Variants in EYS observed in about 807,000 individuals in gnomAD.
EYS encodes EGF-like photoreceptor maintenance factor, also known as protein eyes shut homolog.
Under a neutral mutation model 282.1 loss-of-function variants are expected in EYS, and 250 were observed. That is an observed-to-expected ratio of 0.89 (90% confidence interval 0.80 to 0.98). The LOEUF (loss-of-function observed/expected upper bound fraction) is 0.98, where lower values mean the gene tolerates loss of function less well. Ranked by LOEUF, EYS falls within the 50% of genes least tolerant of loss-of-function variation. The pLI, the probability that EYS is intolerant of heterozygous loss-of-function variation, is 0.00. For synonymous variants in EYS, 1,355 were observed against 1,282.9 expected (o/e 1.06, Z -1.20); for missense variants, 4,016 against 3,709.0 (o/e 1.08, Z -2.15).
chr6:64,733,117 C>T (rs561265887), intron 22 of EYS: 2 of 152,324 alleles, frequency 1.3e-5, no homozygotes, highest in Admixed American at 1.3e-4. Flanking sequence ...TGGAGAACAA[C>T]TAACTCTACA....
intron 1 of EYS, among the ~76,000 whole-genome samples, chr6:65,669,336 G>T (rs933612134): frequency 4.0e-5 from 6 of 151,866 alleles, no homozygotes; most frequent in African/African-American, 1.2e-4. Context: ...AGAGGCATAA[G>T]ATTTAGTCAT....
At chr6:65,407,391 G>C (rs1274070496) in intron 5 of EYS, among the ~76,000 whole-genome samples, 2 of 151,954 alleles carry the variant, frequency 1.3e-5, no homozygotes, top group Non-Finnish European at 2.9e-5. Context: ...AAGTAGCTGG[G>C]ACTACAGGCA....
At chr6:64,721,149 C>A (rs994859789) in intron 22 of EYS, among the ~76,000 whole-genome samples, 1 of 152,112 alleles carries the variant, frequency 6.6e-6, no homozygotes, top group African/African-American at 2.4e-5. Flanking sequence ...ACAACAAAGG[C>A]TAACACAAAT....
intron 8 of EYS, among the ~76,000 whole-genome samples, chr6:65,375,716 G>T (rs759314395): frequency 1.3e-5 from 2 of 151,998 alleles, no homozygotes; most frequent in Admixed American, 1.3e-4. Flanking sequence ...CACAGCATGA[G>T]AACTTTGTGA....
Position 65,451,049 on chromosome 6 carries a change from CTTATAA to C in EYS, c.862+39539_862+39544del, listed in dbSNP as rs530008251. On this transcript the variant is annotated intron_variant, in intron 5 of 42. Coordinates refer to ENST00000503581, the MANE Select transcript of EYS (RefSeq NM_001142800.2). ...TTTGCTTTATTTTTCCTTTGGCATA[CTTATAA>C]TTATAAACTACTGGTATTAGTGTTG... Among the ~76,000 whole-genome samples, 883 of 152,132 alleles carry C rather than the reference CTTATAA, an allele frequency of 5.8e-3. 17 individuals carry two copies. Among genetic ancestry groups the C allele is most frequent in the South Asian group, 0.039 (190 of 4,822 alleles).
At position 64,990,170 on chromosome 6, in the gene EYS, A is replaced by C. The variant is rs148915275; in HGVS notation, c.2259+7412T>G. Among the ~76,000 whole-genome samples, 485 of 151,696 alleles carry C rather than the reference A, an allele frequency of 3.2e-3. 14 individuals carry two copies. The East Asian group carries it at 0.085, about 27-fold the overall frequency. ...GTTATTTACTGAGGCTATTAAGTTA[A>C]TAAATTGCTAAAATCAATCTGTTCT... On this transcript the variant is annotated intron_variant, in intron 14 of 42. Coordinates refer to ENST00000503581, the MANE Select transcript of EYS (RefSeq NM_001142800.2).
At chr6:65,607,843 T>G (rs1235075971) in intron 2 of EYS, among the ~76,000 whole-genome samples, 2 of 152,000 alleles carry the variant, frequency 1.3e-5, no homozygotes, top group Non-Finnish European at 2.9e-5. Flanking sequence ...AATACAATTG[T>G]TAGAAAATTA....
At chr6:63,933,920 A>G (rs138586310) in intron 35 of EYS, among the ~76,000 whole-genome samples, 43 of 152,342 alleles carry the variant, frequency 2.8e-4, no homozygotes, top group African/African-American at 9.9e-4. Context: ...TTTTAAACTA[A>G]AGAGCTTCTG....
At chr6:64,576,674 A>AT (rs1425426664) in intron 26 of EYS, among the ~76,000 whole-genome samples, 63 of 152,228 alleles carry the variant, frequency 4.1e-4, no homozygotes, top group African/African-American at 1.4e-3. Context: ...CAAACAAAAT[A>AT]ATTTTATTTA....
chr6:64,672,279 C>A (rs901946686), intron 22 of EYS, among the ~76,000 whole-genome samples: 2 of 152,180 alleles, frequency 1.3e-5, no homozygotes, highest in Non-Finnish European at 2.9e-5. Context: ...AGCAGTGTTG[C>A]AAGACTCAAA....
intron 41 of EYS, among the ~76,000 whole-genome samples, chr6:63,735,504 C>T (rs1768887202): frequency 1.3e-5 from 2 of 151,766 alleles, no homozygotes; most frequent in Admixed American, 6.6e-5. Context: ...CACACACACA[C>T]ACACACACAC....
At chr6:65,624,383 G>A (rs1015271420) in intron 2 of EYS, among the ~76,000 whole-genome samples, 2 of 152,160 alleles carry the variant, frequency 1.3e-5, no homozygotes, top group Admixed American at 1.3e-4. Context: ...GGTATGATGA[G>A]GAGACTATCC....
chr6:64,794,488 C>T (rs1039575147), intron 22 of EYS, among the ~76,000 whole-genome samples: 1 of 152,078 alleles, frequency 6.6e-6, no homozygotes, highest in South Asian at 2.1e-4. Flanking sequence ...TCTCTTCTGC[C>T]CACCATGTGA....
chr6:63,923,853 T>C, intron 35 of EYS, among the ~76,000 whole-genome samples: 1 of 152,226 alleles, frequency 6.6e-6, no homozygotes, highest in East Asian at 1.9e-4. Flanking sequence ...CCTGCATTAA[T>C]TTGCTTAGAA....
At chr6:64,018,759 GTT>G (rs1163533009) in intron 33 of EYS, among the ~76,000 whole-genome samples, 1 of 53,888 alleles carries the variant, frequency 1.9e-5, no homozygotes, top group African/African-American at 7.5e-5. Context: ...CATCACAAGT[GTT>G]TTTTTTTTTT....
intron 26 of EYS, among the ~76,000 whole-genome samples, chr6:64,483,200 T>C (rs1282539947): frequency 6.6e-6 from 1 of 151,676 alleles, no homozygotes; most frequent in Non-Finnish European, 1.5e-5. Context: ...TATGTAAATA[T>C]AATAAATAGG....
chr6:65,513,559 A>G (rs1316889928), intron 2 of EYS, among the ~76,000 whole-genome samples: 5 of 152,246 alleles, frequency 3.3e-5, no homozygotes, highest in South Asian at 4.1e-4. Flanking sequence ...CTGGCAAACC[A>G]AATCCAGCAG....
At chr6:64,248,718 A>G (rs1375303325) in intron 30 of EYS, among the ~76,000 whole-genome samples, 2 of 152,168 alleles carry the variant, frequency 1.3e-5, no homozygotes, top group South Asian at 2.1e-4. Context: ...CAATTCAACA[A>G]TCCTACTACT....
intron 28 of EYS, among the ~76,000 whole-genome samples, chr6:64,401,967 A>G (rs1462464576): frequency 1.3e-5 from 2 of 152,108 alleles, no homozygotes; most frequent in African/African-American, 2.4e-5. Flanking sequence ...TTGGTTATCT[A>G]TATCTATGAC....
Sources: gnomAD v4.1 joint callset for allele counts (sites outside exome capture counted in the v4.1 genomes callset) on GRCh38, gnomAD v4.1.1 for gene constraint, MANE v1.5 for transcripts, NCBI Gene and HGNC (gene_info 2026-07-23, HGNC 2026-07-21) for gene names.